DYSF: variants seen among roughly 807,000 people sequenced by gnomAD.
The protein encoded by DYSF is dystrophy-associated fer-1-like 1.
DYSF carries 212 observed loss-of-function variants against 274.9 expected under a neutral mutation model. That is an observed-to-expected ratio of 0.77 (90% CI 0.69 to 0.86). The LOEUF (loss-of-function observed/expected upper bound fraction) is 0.86, where lower values mean the gene tolerates loss of function less well. Ranked by LOEUF, DYSF falls within the 40% of genes least tolerant of loss-of-function variation. The pLI is 0.00. For synonymous variants in DYSF, 1,091 were observed against 1,078.7 expected, an observed-to-expected ratio of 1.01 and a Z score of -0.22; for missense variants, 2,666 against 2,783.2, an observed-to-expected ratio of 0.96 and a Z score of 0.95.
chr2:71,618,737 TG>T (rs1467129176), intron 40 of DYSF, among the ~76,000 whole-genome samples: 3 of 151,390 alleles, frequency 2.0e-5, no homozygotes, highest in African/African-American at 7.3e-5. Flanking sequence ...GGTGTGTATG[TG>T]GAGTAGAGGT....
chr2:71,463,204 A>G (rs2081356904), upstream of DYSF, among the ~76,000 whole-genome samples: 1 of 152,306 alleles, frequency 6.6e-6, no homozygotes, highest in South Asian at 2.1e-4. Flanking sequence ...GAGGGGGTTG[A>G]GGCAGCAGGG....
At chr2:71,526,552 C>T (rs1393312823) in intron 13 of DYSF, among the ~76,000 whole-genome samples, 2 of 152,266 alleles carry the variant, frequency 1.3e-5, no homozygotes, top group Non-Finnish European at 2.9e-5. Context: ...CTCTCAGCTC[C>T]ATTCCAATGT....
intron 52 of DYSF, 61 bp from the exon 53 acceptor site, chr2:71,678,996 G>A (rs1014775413): frequency 3.9e-6 from 6 of 1,520,708 alleles, no homozygotes; most frequent in Non-Finnish European, 5.5e-6. Flanking sequence ...CCTGCCTAAG[G>A]GTGGCTACAG....
intron 41 of DYSF, among the ~76,000 whole-genome samples, chr2:71,621,130 T>C (rs1043703567): frequency 6.6e-6 from 1 of 152,000 alleles, no homozygotes; most frequent in Non-Finnish European, 1.5e-5. Context: ...AGTGGATTCC[T>C]TAGGTGTCAT....
intron 41 of DYSF, among the ~76,000 whole-genome samples, chr2:71,638,725 C>T (rs986548669): frequency 5.3e-5 from 8 of 152,160 alleles, no homozygotes; most frequent in South Asian, 2.1e-4. Flanking sequence ...TCTTTATCCA[C>T]GCATCAGTTG....
chr2:71,650,331 A>G (rs1256434603), intron 42 of DYSF, among the ~76,000 whole-genome samples: 1 of 152,052 alleles, frequency 6.6e-6, no homozygotes, highest in African/African-American at 2.4e-5. Flanking sequence ...AAATACAAAA[A>G]TTAGTCAGGC....
Position 71,596,294 on chromosome 2 carries a change from C to T in DYSF, c.3575-2270C>T, listed in dbSNP as rs193263780. ...GGGCCAGCGTGGGGGGTGCTGCCAACACCAATACAGCGTGCACAGCCGCTA... is the reference window on the plus strand; with the variant it reads ...GGGCCAGCGTGGGGGGTGCTGCCAATACCAATACAGCGTGCACAGCCGCTA... On this transcript the variant is annotated intron_variant, in intron 32 of 55. Coordinates refer to ENST00000410020, the MANE Select transcript of DYSF (RefSeq NM_001130987.2). Among the ~76,000 whole-genome samples the T allele has an allele frequency of 5.3e-5, 8 of 152,286 alleles. No homozygotes were observed. In the East Asian group the frequency reaches 1.5e-3, roughly 29 times the overall value.
chr2:71,639,521 T>C (rs1005605555), intron 41 of DYSF, among the ~76,000 whole-genome samples: 5 of 152,200 alleles, frequency 3.3e-5, no homozygotes, highest in African/African-American at 1.2e-4. Flanking sequence ...TTTATAAATC[T>C]CATCAGTTGT....
At chr2:71,454,111 C>CCGGGGT (rs1383886395) in intron 1 of DYSF, 1 of 1,608,212 alleles carries the variant, frequency 6.2e-7, no homozygotes, top group South Asian at 1.1e-5. Flanking sequence ...CCACCCTCGC[C>CCGGGGT]CGGGGTCGGG....
At chr2:71,529,359 T>A (rs1327213905) in intron 14 of DYSF, among the ~76,000 whole-genome samples, 1 of 152,232 alleles carries the variant, frequency 6.6e-6, no homozygotes, top group Non-Finnish European at 1.5e-5. Flanking sequence ...CATTGAATTT[T>A]TGAACAGCCC....
At chr2:71,679,306 A>ACGT (rs2095266225) in intron 53 of DYSF, 71 bp downstream of exon 53, 1 of 1,471,150 alleles carries the variant, frequency 6.8e-7, no homozygotes, top group Non-Finnish European at 9.4e-7. Flanking sequence ...GTCAGAAAAT[A>ACGT]CGTCATCAGA....
upstream of DYSF, among the ~76,000 whole-genome samples, chr2:71,464,634 T>C (rs2081419615): frequency 6.6e-6 from 1 of 151,834 alleles, no homozygotes; most frequent in African/African-American, 2.4e-5. Context: ...CAAGGTCACG[T>C]AAGGGGAGAG....
chr2:71,535,131 G>A (rs985158828), intron 15 of DYSF, 42 bp downstream of exon 15: 3 of 1,612,538 alleles, frequency 1.9e-6, no homozygotes, highest in Non-Finnish European at 2.5e-6. Flanking sequence ...GGCCCCTGGG[G>A]CTCTGGGCTT....
chr2:71,589,704 G>A lies in DYSF; in HGVS notation c.3496+18G>A. On this transcript the variant is annotated intron_variant, in intron 31 of 55. Coordinates refer to ENST00000410020, the MANE Select transcript of DYSF (RefSeq NM_001130987.2). Reference sequence around the variant, plus strand: ...ATTCGACTGTAAGTGAGGCTTCGAGGCCTCTATGGGGTGATAAGGGTGTGT... The same window carrying A: ...ATTCGACTGTAAGTGAGGCTTCGAGACCTCTATGGGGTGATAAGGGTGTGT... 6.2e-7 allele frequency: 1 copy of A among 1,604,898 alleles called. No homozygotes were observed.
intron 33 of DYSF, 58 bp from the exon 34 acceptor site, chr2:71,600,643 AG>A: frequency 6.2e-7 from 1 of 1,612,166 alleles, no homozygotes; most frequent in Non-Finnish European, 8.5e-7. Context: ...GATCTCTCTG[AG>A]GCTCCCTAGA....
intron 14 of DYSF, among the ~76,000 whole-genome samples, chr2:71,529,649 A>G (rs2088420225): frequency 6.6e-6 from 1 of 152,166 alleles, no homozygotes; most frequent in Non-Finnish European, 1.5e-5. Context: ...AAATCTTCCC[A>G]CTTTGTAATT....
chr2:71,644,159 C>T (rs2094531326), intron 42 of DYSF, 96 bp downstream of exon 42: 5 of 1,056,290 alleles, frequency 4.7e-6, no homozygotes, highest in Non-Finnish European at 7.2e-6. Flanking sequence ...GATGTATTTG[C>T]ATTTGTCTCC....
chr2:71,461,334 C>A (rs2081279513), intron 1 of DYSF, among the ~76,000 whole-genome samples: 1 of 152,210 alleles, frequency 6.6e-6, no homozygotes, highest in Non-Finnish European at 1.5e-5. Flanking sequence ...GAGAGGTGAT[C>A]TTTAAGCTGA....
chr2:71,657,288 A>G (rs2094793104), intron 43 of DYSF, among the ~76,000 whole-genome samples: 1 of 152,236 alleles, frequency 6.6e-6, no homozygotes, highest in South Asian at 2.1e-4. Context: ...CGCAAAAGGT[A>G]GGTTCCCATG....
Sources: allele counts gnomAD v4.1 joint callset (sites outside exome capture counted in the v4.1 genomes callset), GRCh38; gene constraint gnomAD v4.1.1; transcripts MANE v1.5; gene names NCBI Gene and HGNC (gene_info 2026-07-23, HGNC 2026-07-21).